The following ANKRD18A variants were observed in gnomAD, a reference collection of about 807,000 sequenced individuals.
ANKRD18A encodes ankyrin repeat domain-containing protein 18A.
ANKRD18A carries 72 observed loss-of-function variants against 110.6 expected under a neutral mutation model. The observed-to-expected ratio is 0.65, with a 90% confidence interval of 0.54 to 0.79. The LOEUF (loss-of-function observed/expected upper bound fraction) is 0.79. ANKRD18A is among the 30% of genes least tolerant of loss of function. The pLI is 0.00. For missense variants in ANKRD18A, 934 were observed against 1,163.3 expected, an observed-to-expected ratio of 0.80 and a Z score of 2.87; for synonymous variants, 305 against 410.3, an observed-to-expected ratio of 0.74 and a Z score of 3.10.
downstream of ANKRD18A, chr9:38,569,119 C>T (rs1447201701): frequency 3.0e-6 from 3 of 985,380 alleles, no homozygotes; most frequent in Non-Finnish European, 2.4e-6. Flanking sequence ...ATGCAGGAAC[C>T]AAGTAGGGCG....
intron 3 of ANKRD18A, among the ~76,000 whole-genome samples, chr9:38,612,527 T>C (rs866932766): frequency 7.1e-6 from 1 of 141,016 alleles, no homozygotes; most frequent in Admixed American, 7.1e-5. Flanking sequence ...TTTTCTTTTT[T>C]TTTTTTTGGA....
At chr9:38,572,233 AT>A (rs1323712312) in intron 15 of ANKRD18A, 174 bp from the exon 16 acceptor site, 1 of 472,164 alleles carries the variant, frequency 2.1e-6, no homozygotes, top group African/African-American at 2.1e-5. Context: ...GTTAATTCCA[AT>A]TGTGGTTAAA....
chr9:38,610,808 G>T (rs984712897), intron 4 of ANKRD18A, among the ~76,000 whole-genome samples: 1 of 151,414 alleles, frequency 6.6e-6, no homozygotes, highest in Non-Finnish European at 1.5e-5. Flanking sequence ...AAATAAATAA[G>T]AGCTATCTGC....
chr9:38,571,088 A>G, downstream of ANKRD18A: 1 of 1,508,902 alleles, frequency 6.6e-7, no homozygotes, highest in Non-Finnish European at 8.8e-7. Context: ...CTGTCCCCAG[A>G]CAGCTAGAAG....
intron 5 of ANKRD18A, among the ~76,000 whole-genome samples, chr9:38,609,218 G>A (rs1294706380): frequency 2.0e-5 from 3 of 151,140 alleles, no homozygotes; most frequent in Non-Finnish European, 4.4e-5. Context: ...GGTGGCTCAC[G>A]CCTGTAATCA....
At chr9:38,593,309 G>A (rs987972219) in intron 10 of ANKRD18A, among the ~76,000 whole-genome samples, 4 of 152,152 alleles carry the variant, frequency 2.6e-5, no homozygotes, top group Non-Finnish European at 5.9e-5. Flanking sequence ...CAGTATGATG[G>A]CCTTTCTGTA....
chr9:38,567,497 G>C (rs1823510504), downstream of ANKRD18A: 2 of 153,296 alleles, frequency 1.3e-5, no homozygotes, highest in South Asian at 2.1e-4. Context: ...GATGGAAGTG[G>C]TGAATTTCAG....
intron 15 of ANKRD18A, 89 bp from the exon 16 acceptor site, chr9:38,572,148 T>C (rs1823674127): frequency 2.0e-6 from 2 of 979,114 alleles, no homozygotes; most frequent in Non-Finnish European, 3.0e-6. Context: ...GAGAACGTTA[T>C]CAGAGTTAAT....
In ANKRD18A at chr9:38,581,734, A is replaced by G. The variant is rs115141324; in HGVS notation, c.2248-3586T>C. ...CATCCCATCTCTGTATTATACCGCA[A>G]TGCTTCTCTATAGCACACAACTTGG... On this transcript the variant is annotated intron_variant, in intron 12 of 15. Coordinates refer to ENST00000399703, the MANE Select transcript of ANKRD18A (RefSeq NM_147195.4). Among the ~76,000 whole-genome samples, 177 of 152,316 alleles carry G rather than the reference A, an allele frequency of 1.2e-3. 1 individual carries two copies. The highest frequency in any genetic ancestry group is 4.1e-3 in the African/African-American group (172 of 41,578).
rs557037169 is a variant in ANKRD18A at position 38,583,836 on chromosome 9, C to G, written c.2247+2347G>C. The stretch of plus-strand genomic sequence containing the variant: ...AATTTAGTACTGATACTGATAGAAG[C>G]AGGAGACAGCAAAATGCCTAGGCAG... On this transcript the variant is annotated intron_variant, in intron 12 of 15. Coordinates refer to ENST00000399703, the MANE Select transcript of ANKRD18A (RefSeq NM_147195.4). Among the ~76,000 whole-genome samples, 383 of 152,324 alleles carry G rather than the reference C, an allele frequency of 2.5e-3. 4 individuals carry two copies. Among genetic ancestry groups the G allele is most frequent in the African/African-American group, 8.9e-3 (370 of 41,584 alleles).
At position 38,586,697 on chromosome 9, in the gene ANKRD18A, C is replaced by G. The variant is rs554779518; in HGVS notation, c.2118-385G>C. On this transcript the variant is annotated intron_variant, in intron 11 of 15. Coordinates refer to ENST00000399703, the MANE Select transcript of ANKRD18A (RefSeq NM_147195.4). ...CTCCTGCCTCAGCCTCCCAAGTAAG[C>G]TGGGATTACGGGCATGTGCCACCAT... Among the ~76,000 whole-genome samples, 177 of 152,174 alleles carry G rather than the reference C, an allele frequency of 1.2e-3. 1 individual carries two copies. The highest frequency in any genetic ancestry group is 3.7e-3 in the African/African-American group (152 of 41,532).
chr9:38,594,133 G>T (rs1480412096), intron 9 of ANKRD18A, among the ~76,000 whole-genome samples: 1 of 152,124 alleles, frequency 6.6e-6, no homozygotes, highest in Non-Finnish European at 1.5e-5. Context: ...GATTGATCCA[G>T]CCCGCTATTC....
At position 38,588,599 on chromosome 9, in the gene ANKRD18A, G is replaced by A. The variant is rs530939953; in HGVS notation, c.2069C>T (p.Ala690Val). 1.3e-4 allele frequency: 179 copies of A among 1,381,634 alleles called. 1 individual carries two copies. The South Asian group carries it at 2.4e-3, about 18-fold the overall frequency. 85.6% of individuals were successfully genotyped at this position (1,381,634 alleles called of 1,614,324 possible). A position where few individuals can be genotyped will look rare whatever the true frequency, so the allele number is the denominator to read the frequency against. The change falls in exon 11 of 16, where the codon GCG becomes GTG. Residue 690 changes from alanine (A) to valine (V), a missense_variant. Physicochemically the swap from Ala to Val is moderately conservative, Grantham distance 64. Coordinates refer to ENST00000399703, the MANE Select transcript of ANKRD18A (RefSeq NM_147195.4). ...FELISLLNYTADQIRKKNREL... is the reference protein window; with the variant it reads ...FELISLLNYTVDQIRKKNREL... ...ACGATTTTTCTTTCTTATTTGGTCC[G>A]CAGTATAGTTCAGTAATGATATTAA...
rs755156416 is a variant in ANKRD18A at position 38,615,771 on chromosome 9, T to A, written c.322-4A>T. On this transcript the variant is annotated splice_polypyrimidine_tract_variant and splice_region_variant and intron_variant, in intron 2 of 15. Transcript: ENST00000399703. ...CCTCTTCCTGGCTGTGTACAGCCTA[T>A]TAGTGTTAGATAAAAAACTAGACTA... is the stretch of plus-strand genomic sequence containing the variant. The A allele has an allele frequency of 3.5e-5, 57 of 1,610,072 alleles. 2 individuals are homozygous for A. Among genetic ancestry groups the A allele is most frequent in the South Asian group, 2.6e-4 (23 of 90,048 alleles).
intron 10 of ANKRD18A, 114 bp from the exon 11 acceptor site, chr9:38,588,777 G>T (rs1447664393): frequency 2.6e-6 from 2 of 783,762 alleles, no homozygotes; most frequent in Non-Finnish European, 3.4e-6. Context: ...GTTGTATAAA[G>T]TGCATTTTAC....
intron 12 of ANKRD18A, among the ~76,000 whole-genome samples, chr9:38,582,421 A>G (rs1480291227): frequency 1.3e-5 from 2 of 152,168 alleles, no homozygotes; most frequent in African/African-American, 4.8e-5. Flanking sequence ...AATTTTTATT[A>G]TGACATAAGA....
chr9:38,603,249 G>A, intron 6 of ANKRD18A, 37 bp from the exon 7 acceptor site: 1 of 1,550,274 alleles, frequency 6.5e-7, no homozygotes. Context: ...ATTCCTTCTG[G>A]AAAACATCAT....
At chr9:38,577,650 A>T (rs1372462403) in intron 13 of ANKRD18A, among the ~76,000 whole-genome samples, 1 of 152,152 alleles carries the variant, frequency 6.6e-6, no homozygotes, top group Admixed American at 6.5e-5. Context: ...TTTACTCTAT[A>T]GTGAGAATCA....
chr9:38,607,182 G>T (rs1825399218), intron 6 of ANKRD18A, among the ~76,000 whole-genome samples: 1 of 151,948 alleles, frequency 6.6e-6, no homozygotes, highest in African/African-American at 2.4e-5. Context: ...TCAGCCTCCC[G>T]AGTAGCTGGG....
Sources: allele counts gnomAD v4.1 joint callset (sites outside exome capture counted in the v4.1 genomes callset), GRCh38; gene constraint gnomAD v4.1.1; transcripts MANE v1.5; gene names NCBI Gene and HGNC (gene_info 2026-07-23, HGNC 2026-07-21).